The following ERBIN variants were observed in gnomAD, a reference collection of about 807,000 sequenced individuals.
ERBIN encodes erbb2 interacting protein.
In ERBIN, 60 loss-of-function variants were observed where a neutral mutation model predicts 158.4. The ratio of observed to expected loss-of-function variants is 0.38; its 90% CI spans 0.31 to 0.47. The LOEUF is 0.47. Ranked by LOEUF, ERBIN falls within the 20% of genes least tolerant of loss-of-function variation. The pLI, the probability that ERBIN is intolerant of heterozygous loss-of-function variation, is 0.99. For synonymous variants in ERBIN, 594 were observed against 557.2 expected, an observed-to-expected ratio of 1.07 and a Z score of -0.93; for missense variants, 1,610 against 1,648.0, an observed-to-expected ratio of 0.98 and a Z score of 0.40.
At chr5:65,998,198 A>C (rs181363319) in intron 4 of ERBIN, among the ~76,000 whole-genome samples, 63 of 151,378 alleles carry the variant, frequency 4.2e-4, no homozygotes, top group African/African-American at 1.4e-3. Flanking sequence ...ACTGTACTCT[A>C]GCTTGGGCGA....
chr5:65,934,253 A>T lies in ERBIN; in HGVS notation c.-58+7447A>T, dbSNP rs146855472. ...TACAAACAAGGATATTCTCCTGCAT[A>T]TAATGACATCATTACCATCAAAATC... is the stretch of plus-strand genomic sequence containing the variant. On this transcript the variant is annotated intron_variant, in intron 1 of 25. Transcript: ENST00000284037. Among the ~76,000 whole-genome samples the T allele has an allele frequency of 3.5e-3, 537 of 152,350 alleles. 1 individual carries two copies. Among genetic ancestry groups the T allele is most frequent in the Non-Finnish European group, 6.1e-3 (416 of 68,040 alleles).
At chr5:66,070,290 G>A (rs751274956) in intron 21 of ERBIN, among the ~76,000 whole-genome samples, 15 of 152,086 alleles carry the variant, frequency 9.9e-5, no homozygotes, top group Admixed American at 4.6e-4. Flanking sequence ...TGATCTGCCC[G>A]CCTCAGCCTC....
chr5:66,010,546 G>A (rs1328216068), intron 4 of ERBIN, among the ~76,000 whole-genome samples: 1 of 152,106 alleles, frequency 6.6e-6, no homozygotes, highest in Non-Finnish European at 1.5e-5. Flanking sequence ...GCATTGATGA[G>A]TTTTGACTGA....
At chr5:65,976,586 G>A (rs974966536) in intron 1 of ERBIN, among the ~76,000 whole-genome samples, 5 of 150,568 alleles carry the variant, frequency 3.3e-5, no homozygotes, top group African/African-American at 1.2e-4. Flanking sequence ...CAGGGTCACA[G>A]GACAATAGTG....
chr5:66,045,441 A>G (rs560916758), intron 17 of ERBIN, among the ~76,000 whole-genome samples: 6 of 146,286 alleles, frequency 4.1e-5, no homozygotes, highest in African/African-American at 1.4e-4. Flanking sequence ...ATGTATATGT[A>G]TATGTATGTA....
chr5:66,067,811 A>C (rs544285563), intron 21 of ERBIN, among the ~76,000 whole-genome samples: 1 of 152,274 alleles, frequency 6.6e-6, no homozygotes, highest in South Asian at 2.1e-4. Context: ...CCCTGTCTAC[A>C]TGAAAAATAA....
At chr5:65,955,671 G>C (rs1747028877) in intron 1 of ERBIN, among the ~76,000 whole-genome samples, 1 of 152,174 alleles carries the variant, frequency 6.6e-6, no homozygotes, top group Non-Finnish European at 1.5e-5. Flanking sequence ...GTGTTTCTTT[G>C]AGAAAATTTT....
At chr5:65,999,346 A>G (rs544057264) in intron 4 of ERBIN, among the ~76,000 whole-genome samples, 29 of 152,356 alleles carry the variant, frequency 1.9e-4, no homozygotes, top group African/African-American at 7.0e-4. Flanking sequence ...AGCGACAAGA[A>G]TGAGACTCCA....
At chr5:66,067,161 G>A (rs754150388) in intron 21 of ERBIN, among the ~76,000 whole-genome samples, 100 of 152,246 alleles carry the variant, frequency 6.6e-4, no homozygotes, top group Middle Eastern at 3.4e-3. Context: ...CTTAACCTTG[G>A]TGAAATGGTT....
intron 24 of ERBIN, 77 bp from the exon 25 acceptor site, chr5:66,076,797 TG>T: frequency 2.1e-6 from 2 of 974,310 alleles, no homozygotes; most frequent in African/African-American, 1.6e-5. Flanking sequence ...TTGCATGGTG[TG>T]GAGGAAAAAT....
intron 1 of ERBIN, among the ~76,000 whole-genome samples, chr5:65,957,869 T>C (rs1747394754): frequency 6.9e-6 from 1 of 145,982 alleles, no homozygotes; most frequent in African/African-American, 2.6e-5. Context: ...ACGGGGCGGC[T>C]GCCGGGCGGA....
chr5:65,985,086 A>G (rs1464593823), intron 1 of ERBIN, among the ~76,000 whole-genome samples: 1 of 152,192 alleles, frequency 6.6e-6, no homozygotes, highest in Non-Finnish European at 1.5e-5. Flanking sequence ...AAAAGGAATC[A>G]CATGACATTT....
intron 1 of ERBIN, among the ~76,000 whole-genome samples, chr5:65,933,491 A>G (rs34524789): frequency 0.013 from 2,000 of 152,306 alleles, 39 homozygotes; most frequent in African/African-American, 0.046. Context: ...ACACTGTCCA[A>G]GTGTCACATC....
intron 4 of ERBIN, among the ~76,000 whole-genome samples, chr5:65,999,780 G>A (rs1401177828): frequency 1.3e-5 from 2 of 152,080 alleles, no homozygotes; most frequent in African/African-American, 4.8e-5. Context: ...ACTTTTCCTT[G>A]AGGGCAGTGT....
At chr5:66,076,853 A>G in intron 24 of ERBIN, 22 bp from the exon 25 acceptor site, 6 of 1,566,684 alleles carry the variant, frequency 3.8e-6, no homozygotes, top group Non-Finnish European at 5.2e-6. Flanking sequence ...TTTTAGTTAA[A>G]TAATTTTTTT....
intron 7 of ERBIN, among the ~76,000 whole-genome samples, chr5:66,016,835 G>A (rs115488028): frequency 0.011 from 1,692 of 152,070 alleles, 27 homozygotes; most frequent in African/African-American, 0.038. Context: ...GACTGGTCTC[G>A]AACTCCTGGC....
intron 1 of ERBIN, among the ~76,000 whole-genome samples, chr5:65,932,224 AGCT>A (rs1743509569): frequency 6.6e-6 from 1 of 151,716 alleles, no homozygotes; most frequent in Admixed American, 6.6e-5. Flanking sequence ...CTGTAATCCC[AGCT>A]ACTCAGGAGG....
At chr5:66,032,560 A>G (rs1756995259) in intron 14 of ERBIN, among the ~76,000 whole-genome samples, 1 of 152,214 alleles carries the variant, frequency 6.6e-6, no homozygotes, top group Non-Finnish European at 1.5e-5. Flanking sequence ...TTTATGATAG[A>G]TAATACGGAA....
intron 1 of ERBIN, chr5:65,984,887 G>A (rs1188521069): frequency 1.3e-5 from 2 of 150,506 alleles, no homozygotes; most frequent in Admixed American, 1.3e-4. Flanking sequence ...GTAAATAGAA[G>A]ATGTGCTGTA....
Sources: allele counts gnomAD v4.1 joint callset (sites outside exome capture counted in the v4.1 genomes callset), GRCh38; gene constraint gnomAD v4.1.1; transcripts MANE v1.5; gene names NCBI Gene and HGNC (gene_info 2026-07-23, HGNC 2026-07-21).